Variants in MAGI2 observed in about 807,000 individuals in gnomAD.
MAGI2 encodes membrane associated guanylate kinase, WW and PDZ domain containing 2, also known as membrane-associated guanylate kinase, WW and PDZ domain-containing protein 2.
A neutral mutation model predicts 133.3 loss-of-function variants in MAGI2; 35 were observed. That is an observed-to-expected ratio of 0.26 (90% CI 0.20 to 0.35). The LOEUF (loss-of-function observed/expected upper bound fraction) is 0.35, where lower values mean the gene tolerates loss of function less well. Among genes scored for constraint, MAGI2 ranks in the 10% least tolerant of loss-of-function variants. The probability of loss-of-function intolerance (pLI) is 1.00; values close to 1 mark genes in which losing one functional copy is unlikely to be tolerated. For missense variants in MAGI2, 1,636 were observed against 1,863.4 expected, an observed-to-expected ratio of 0.88 and a Z score of 2.25; for synonymous variants, 729 against 710.6, an observed-to-expected ratio of 1.03 and a Z score of -0.41.
intron 2 of MAGI2, among the ~76,000 whole-genome samples, chr7:78,702,784 C>G (rs57299049): frequency 0.027 from 4,049 of 151,930 alleles, 140 homozygotes; most frequent in African/African-American, 0.084. Context: ...AACTGGTCAA[C>G]AAAGAGCTGA....
At chr7:78,471,777 T>C (rs577767771) in intron 6 of MAGI2, among the ~76,000 whole-genome samples, 1 of 151,836 alleles carries the variant, frequency 6.6e-6, no homozygotes, top group Non-Finnish European at 1.5e-5. Context: ...ATACAAAAAT[T>C]AGCCAGGTAT....
At chr7:79,448,035 T>A (rs966365376) in intron 1 of MAGI2, among the ~76,000 whole-genome samples, 5 of 152,004 alleles carry the variant, frequency 3.3e-5, no homozygotes, top group Non-Finnish European at 7.4e-5. Context: ...TCTAATAGGA[T>A]TTCTATGTTG....
At chr7:78,776,097 G>A (rs757748756) in intron 2 of MAGI2, among the ~76,000 whole-genome samples, 1 of 152,164 alleles carries the variant, frequency 6.6e-6, no homozygotes, top group Non-Finnish European at 1.5e-5. Flanking sequence ...TCACCATGAG[G>A]ATCAAATGAA....
At chr7:78,984,713 C>A (rs1452607211) in intron 2 of MAGI2, among the ~76,000 whole-genome samples, 2 of 151,838 alleles carry the variant, frequency 1.3e-5, no homozygotes, top group African/African-American at 2.4e-5. Context: ...ACTACCCCAC[C>A]CACACACACT....
At chr7:78,795,434 A>T (rs1396181783) in intron 2 of MAGI2, among the ~76,000 whole-genome samples, 3 of 152,054 alleles carry the variant, frequency 2.0e-5, no homozygotes, top group Non-Finnish European at 2.9e-5. Context: ...TGCAGAAGAA[A>T]TCAAGAAAGT....
At chr7:78,449,006 G>T (rs1261437143) in intron 6 of MAGI2, among the ~76,000 whole-genome samples, 1 of 152,048 alleles carries the variant, frequency 6.6e-6, no homozygotes, top group East Asian at 1.9e-4. Context: ...ATCTGATCTG[G>T]CTTAAAAACA....
intron 1 of MAGI2, among the ~76,000 whole-genome samples, chr7:79,038,821 T>C (rs1811352842): frequency 6.6e-6 from 1 of 151,270 alleles, no homozygotes; most frequent in Non-Finnish European, 1.5e-5. Flanking sequence ...TTCATGTTGC[T>C]GTGTGTGTGT....
Position 78,559,101 on chromosome 7 carries a change from C to T in MAGI2, c.539-37456G>A, listed in dbSNP as rs138790303. ...AATATATGCATGATTACAATCATTA[C>T]GACTCTACTTTTAGGAGCTTGCAAT... On this transcript the variant is annotated intron_variant, in intron 3 of 21. Coordinates refer to ENST00000354212, the MANE Select transcript of MAGI2 (RefSeq NM_012301.4). Among the ~76,000 whole-genome samples the T allele has an allele frequency of 2.0e-4, 22 of 111,028 alleles. No homozygotes were observed. In the East Asian group the frequency reaches 5.5e-3, roughly 28 times the overall value. 72.8% of individuals were successfully genotyped at this position (111,028 alleles called of 152,430 possible).
At chr7:78,031,954 A>G (rs1448243948) in intron 21 of MAGI2, among the ~76,000 whole-genome samples, 1 of 151,388 alleles carries the variant, frequency 6.6e-6, no homozygotes, top group East Asian at 2.0e-4. Flanking sequence ...AGGCCTCATA[A>G]GTGATGTGCA....
intron 2 of MAGI2, among the ~76,000 whole-genome samples, chr7:78,914,400 G>A (rs577072130): frequency 6.6e-6 from 1 of 152,182 alleles, no homozygotes; most frequent in East Asian, 1.9e-4. Flanking sequence ...GGAATGAATG[G>A]TGTACTTTTA....
intron 2 of MAGI2, among the ~76,000 whole-genome samples, chr7:78,723,484 G>C (rs1820462877): frequency 6.6e-6 from 1 of 152,186 alleles, no homozygotes; most frequent in African/African-American, 2.4e-5. Context: ...CTGCTTCAAG[G>C]GGGAGAGGCA....
At chr7:79,225,344 C>T (rs1464674142) in intron 1 of MAGI2, among the ~76,000 whole-genome samples, 1 of 152,184 alleles carries the variant, frequency 6.6e-6, no homozygotes, top group Admixed American at 6.6e-5. Flanking sequence ...ATGTTTGGAA[C>T]TTTGCTATCT....
At chr7:79,152,010 T>C (rs1823301542) in intron 1 of MAGI2, among the ~76,000 whole-genome samples, 2 of 152,094 alleles carry the variant, frequency 1.3e-5, no homozygotes, top group East Asian at 1.9e-4. Context: ...CAAAAAGGGA[T>C]AAATTAAGAT....
Position 78,067,377 on chromosome 7 carries a change from T to C in MAGI2, c.3706+11570A>G, listed in dbSNP as rs185518668. On this transcript the variant is annotated intron_variant, in intron 21 of 21. Coordinates refer to ENST00000354212, the MANE Select transcript of MAGI2 (RefSeq NM_012301.4). ...TTGCTGTGAAGGCTGGAGTAGAAAC[T>C]GCAGTGAAATGTGAGAAACAGAGAG... 5.7e-3 allele frequency among the ~76,000 whole-genome samples: 863 copies of C among 152,268 alleles called. 31 individuals carry two copies. The highest frequency in any genetic ancestry group is 0.052 in the Admixed American group (797 of 15,292).
At chr7:79,070,637 G>A (rs1049402005) in intron 1 of MAGI2, among the ~76,000 whole-genome samples, 8 of 151,538 alleles carry the variant, frequency 5.3e-5, no homozygotes, top group Admixed American at 1.3e-4. Context: ...GACTACAGGC[G>A]CCCACCACCA....
chr7:78,562,410 C>A (rs959713277), intron 3 of MAGI2, among the ~76,000 whole-genome samples: 7 of 152,178 alleles, frequency 4.6e-5, no homozygotes, highest in Admixed American at 1.3e-4. Flanking sequence ...GCAGAATTTT[C>A]TTTGCTGCTC....
chr7:78,905,010 A>G (rs1161373905), intron 2 of MAGI2, among the ~76,000 whole-genome samples: 1 of 152,126 alleles, frequency 6.6e-6, no homozygotes, highest in Non-Finnish European at 1.5e-5. Flanking sequence ...ATTCATTCCC[A>G]TAGGTAGGTA....
At chr7:78,759,687 T>G (rs1824293414) in intron 2 of MAGI2, among the ~76,000 whole-genome samples, 1 of 152,242 alleles carries the variant, frequency 6.6e-6, no homozygotes, top group Non-Finnish European at 1.5e-5. Context: ...AAATACCTAT[T>G]ATTTTATTTC....
chr7:78,598,215 A>T (rs529523322), intron 3 of MAGI2, among the ~76,000 whole-genome samples: 1 of 152,270 alleles, frequency 6.6e-6, no homozygotes, highest in East Asian at 1.9e-4. Context: ...TCTTTCAAGG[A>T]TTGTATAGTC....
Sources: gnomAD v4.1 joint callset for allele counts (sites outside exome capture counted in the v4.1 genomes callset) on GRCh38, gnomAD v4.1.1 for gene constraint, MANE v1.5 for transcripts, NCBI Gene and HGNC (gene_info 2026-07-23, HGNC 2026-07-21) for gene names.